Variants in RORA observed in about 807,000 individuals in gnomAD.
The protein encoded by RORA is nuclear receptor ROR-alpha.
Under a neutral mutation model 69.5 loss-of-function variants are expected in RORA, and 7 were observed. The observed-to-expected ratio is 0.10, with a 90% CI of 0.06 to 0.19. RORA has a LOEUF of 0.19. RORA is among the 10% of genes least tolerant of loss of function. The pLI, the probability that RORA is intolerant of heterozygous loss-of-function variation, is 1.00. For missense variants in RORA, 457 were observed against 663.0 expected (o/e 0.69, Z 3.41); for synonymous variants, 261 against 240.8 (o/e 1.08, Z -0.78).
intron 1 of RORA, among the ~76,000 whole-genome samples, chr15:60,729,510 T>C (rs1385146249): frequency 3.3e-5 from 5 of 152,208 alleles, no homozygotes; most frequent in Non-Finnish European, 4.4e-5. Context: ...TCTCCATTGT[T>C]AGAATTCACC....
intron 1 of RORA, among the ~76,000 whole-genome samples, chr15:61,001,634 A>T (rs948032629): frequency 6.6e-6 from 1 of 152,228 alleles, no homozygotes; most frequent in African/African-American, 2.4e-5. Flanking sequence ...GCTCTGTCCT[A>T]GACACTAGGG....
At chr15:60,505,177 C>T (rs1280182260) in intron 6 of RORA, among the ~76,000 whole-genome samples, 3 of 152,140 alleles carry the variant, frequency 2.0e-5, no homozygotes, top group Non-Finnish European at 4.4e-5. Flanking sequence ...CATAAACTTC[C>T]AGACCTTAAA....
At chr15:60,596,348 G>A (rs575785171) in intron 2 of RORA, among the ~76,000 whole-genome samples, 2 of 152,122 alleles carry the variant, frequency 1.3e-5, no homozygotes, top group South Asian at 2.1e-4. Context: ...AATTAATTTT[G>A]TTATAGCTGA....
At chr15:60,635,342 G>T (rs1010469767) in intron 2 of RORA, among the ~76,000 whole-genome samples, 3 of 152,172 alleles carry the variant, frequency 2.0e-5, no homozygotes, top group Non-Finnish European at 4.4e-5. Context: ...GAATAAATTA[G>T]ATTTTTTTGA....
intron 1 of RORA, among the ~76,000 whole-genome samples, chr15:61,161,620 T>G (rs16943714): frequency 1.3e-5 from 2 of 152,026 alleles, no homozygotes; most frequent in East Asian, 1.9e-4. Context: ...TCTCCACTAC[T>G]GGGCTTGGGT....
At chr15:60,813,692 T>A (rs2072773966) in intron 1 of RORA, among the ~76,000 whole-genome samples, 1 of 152,202 alleles carries the variant, frequency 6.6e-6, no homozygotes, top group Non-Finnish European at 1.5e-5. Context: ...GAATACTATA[T>A]CTTTATTATA....
chr15:61,076,261 T>C (rs770785326), intron 1 of RORA, among the ~76,000 whole-genome samples: 4 of 152,210 alleles, frequency 2.6e-5, no homozygotes, highest in Non-Finnish European at 5.9e-5. Context: ...TCCCAGGTGA[T>C]GCTGACGCTG....
At chr15:60,706,981 A>C (rs956050950) in intron 1 of RORA, among the ~76,000 whole-genome samples, 18 of 152,284 alleles carry the variant, frequency 1.2e-4, no homozygotes, top group Admixed American at 8.5e-4. Flanking sequence ...AGCTCAGGAG[A>C]AGTTGATAGT....
intron 1 of RORA, among the ~76,000 whole-genome samples, chr15:61,095,757 G>A (rs940111061): frequency 2.0e-5 from 3 of 152,218 alleles, no homozygotes; most frequent in African/African-American, 7.2e-5. Context: ...GGGGACTGGA[G>A]GACCCCAAGG....
chr15:60,795,932 T>C (rs184189991), intron 1 of RORA, among the ~76,000 whole-genome samples: 2 of 152,362 alleles, frequency 1.3e-5, no homozygotes, highest in South Asian at 2.1e-4. Flanking sequence ...ATGGGGATCA[T>C]ACTACCTGAT....
rs887215942 is a variant in RORA at position 60,965,227 on chromosome 15, A to G, written c.166+263826T>C. On this transcript the variant is annotated intron_variant, in intron 1 of 10. Transcript: ENST00000335670. The stretch of plus-strand genomic sequence containing the variant: ...AGTGGAAGCCCCATGTCCCGCCACC[A>G]GTTTTTGACATCTTGGAGCTCATGG... Among the ~76,000 whole-genome samples, 11 of 152,134 alleles carry G rather than the reference A, an allele frequency of 7.2e-5. No homozygotes were observed. The East Asian group carries it at 7.7e-4, about 11-fold the overall frequency.
At chr15:60,659,362 G>A (rs1453981084) in intron 2 of RORA, among the ~76,000 whole-genome samples, 3 of 152,126 alleles carry the variant, frequency 2.0e-5, no homozygotes, top group Admixed American at 6.5e-5. Context: ...CTGAGAAAAC[G>A]TCCTCATCTC....
In RORA at chr15:60,534,773, G is replaced by C. The variant is rs768754571; in HGVS notation, c.197-2922C>G. 1.3e-5 allele frequency among the ~76,000 whole-genome samples: 2 copies of C among 152,234 alleles called. No homozygotes were observed. Among genetic ancestry groups the C allele is most frequent in the Non-Finnish European group, 2.9e-5 (2 of 68,024 alleles). On this transcript the variant is annotated intron_variant, in intron 2 of 10. Coordinates refer to ENST00000335670, the MANE Select transcript of RORA (RefSeq NM_134261.3). This position sits in a 1 kb window ranked among gnomAD's most constrained non-coding sequence, Gnocchi z 5.0. ...AAAGCAAACCCTCTGAATGTGATCT[G>C]ATCACACGTGTTGATATTCCCAGAA...
At chr15:60,668,854 T>C (rs1205491829) in intron 2 of RORA, among the ~76,000 whole-genome samples, 1 of 152,158 alleles carries the variant, frequency 6.6e-6, no homozygotes, top group Non-Finnish European at 1.5e-5. Flanking sequence ...TCTAAGGAAA[T>C]TAAGAAATAT....
chr15:60,908,613 A>G lies in RORA; in HGVS notation c.167-229927T>C, dbSNP rs539017405. Among the ~76,000 whole-genome samples the G allele has an allele frequency of 2.9e-3, 443 of 152,326 alleles. 4 individuals are homozygous for G. Among genetic ancestry groups the G allele is most frequent in the Middle Eastern group, 6.8e-3 (2 of 294 alleles). The stretch of plus-strand genomic sequence containing the variant: ...ACTGTACTGAAAATCCTGTATGTTC[A>G]GGAGCCATTTTCTCCAGAGATTCCA... On this transcript the variant is annotated intron_variant, in intron 1 of 10. Coordinates refer to ENST00000335670, the MANE Select transcript of RORA (RefSeq NM_134261.3).
At chr15:60,728,345 T>C (rs946843950) in intron 1 of RORA, among the ~76,000 whole-genome samples, 1 of 152,160 alleles carries the variant, frequency 6.6e-6, no homozygotes, top group Admixed American at 6.5e-5. Context: ...ATACCCATCC[T>C]CCCAACTCAC....
chr15:60,809,165 A>G (rs1047197611), intron 1 of RORA, among the ~76,000 whole-genome samples: 5 of 142,442 alleles, frequency 3.5e-5, no homozygotes, highest in Middle Eastern at 3.5e-3. Flanking sequence ...CCCAAAACCC[A>G]TTGAAAAAAT....
chr15:61,226,816 C>G lies in RORA; in HGVS notation c.166+2237G>C, dbSNP rs2080148979. 6.6e-6 allele frequency among the ~76,000 whole-genome samples: 1 copy of G among 152,018 alleles called. No homozygotes were observed. The highest frequency in any genetic ancestry group is 1.5e-5 in the Non-Finnish European group (1 of 68,014). ...TGAGTGTTTGGGCCTTACCACCCCC[C>G]TCCCATTAAATCTTCCAGGAGGGAC... On this transcript the variant is annotated intron_variant, in intron 1 of 10. Coordinates refer to ENST00000335670, the MANE Select transcript of RORA (RefSeq NM_134261.3). The surrounding 1 kb of genome is among the most constrained non-coding windows in gnomAD (Gnocchi z 4.2).
At chr15:60,856,490 C>CTTTTTTTTT (rs34150883) in intron 1 of RORA, among the ~76,000 whole-genome samples, 1 of 148,680 alleles carries the variant, frequency 6.7e-6, no homozygotes, top group Non-Finnish European at 1.5e-5. Flanking sequence ...AATCACTGAC[C>CTTTTTTTTT]TTTTTTTTTT....
Sources: gnomAD v4.1 joint callset for allele counts (sites outside exome capture counted in the v4.1 genomes callset) on GRCh38, gnomAD v4.1.1 for gene constraint, Gnocchi (gnomAD v3.1) non-coding constraint, MANE v1.5 for transcripts, NCBI Gene and HGNC (gene_info 2026-07-23, HGNC 2026-07-21) for gene names.